The following KCNV1 variants were observed in gnomAD, a reference collection of about 807,000 sequenced individuals.
KCNV1 encodes the protein potassium voltage-gated channel modifier subfamily V member 1.
Under a neutral mutation model 36.4 loss-of-function variants are expected in KCNV1, and 2 were observed. The observed-to-expected ratio is 0.05, with a 90% CI of 0.02 to 0.17. KCNV1 has a LOEUF of 0.17. Ranked by LOEUF, KCNV1 falls within the 10% of genes least tolerant of loss-of-function variation. The pLI is 1.00. For synonymous variants in KCNV1, 280 were observed against 261.1 expected, an observed-to-expected ratio of 1.07 and a Z score of -0.70; for missense variants, 321 against 643.6, an observed-to-expected ratio of 0.50 and a Z score of 5.42.
intron 3 of KCNV1, among the ~76,000 whole-genome samples, chr8:109,969,814 C>G (rs1033933769): frequency 6.7e-6 from 1 of 148,414 alleles, no homozygotes; most frequent in Non-Finnish European, 1.5e-5. Context: ...CATTGCAATC[C>G]AGCCTGGGCA....
chr8:109,968,315 T>C lies in KCNV1; in HGVS notation c.1276A>G (p.Ile426Val). 2 of 1,614,120 alleles carry C rather than the reference T, an allele frequency of 1.2e-6. No homozygotes were observed. Among genetic ancestry groups the C allele is most frequent in the Non-Finnish European group, 1.7e-6 (2 of 1,180,024 alleles). Reference protein sequence around the residue: ...GILVLALPIAIINDRFSACYF... With the variant: ...GILVLALPIAVINDRFSACYF... ...CAAGCAGAGAAGCGATCGTTAATAATAGCAATAGGCAAGGCCAAGACAAGA... is the reference window on the plus strand; with the variant it reads ...CAAGCAGAGAAGCGATCGTTAATAACAGCAATAGGCAAGGCCAAGACAAGA... Residue 426 changes from isoleucine (I) to valine (V), a missense_variant, in exon 4 of 4, where the codon ATT (isoleucine) becomes GTT (valine). Ile to Val is a conservative substitution (Grantham distance 29). Coordinates refer to ENST00000524391, the MANE Select transcript of KCNV1 (RefSeq NM_014379.4). This position sits in a 1 kb window ranked among gnomAD's most constrained non-coding sequence, Gnocchi z 5.3.
rs1322236052 is a variant in KCNV1, at chr8:109,972,525, G to T, written c.724C>A (p.Leu242Met). The change falls in exon 3 of 4, where the codon CTG becomes ATG. Residue 242 changes from leucine (L) to methionine (M), a missense_variant. Around this residue, in one of 5 missense-constraint regions of KCNV1, gnomAD observed 141 missense variants for 225.0 expected, o/e 0.63. Coordinates refer to ENST00000524391, the MANE Select transcript of KCNV1 (RefSeq NM_014379.4). This position sits in a 1 kb window ranked among gnomAD's most constrained non-coding sequence, Gnocchi z 5.2. ...AELSWLDLQL[L>M]EILEYVCISW... ...ATGCACACATACTCCAGGATTTCCA[G>T]CAGCTGCAGGTCCAGCCAGCTTAAC... 33 of 1,614,180 alleles carry T rather than the reference G, an allele frequency of 2.0e-5. No individual in the cohort carries two copies. The highest frequency in any genetic ancestry group is 2.7e-5 in the Non-Finnish European group (32 of 1,180,038).
rs1819920883 is a variant in KCNV1, at chr8:109,964,308, C to T, written c.*3780G>A. The T allele has an allele frequency of 6.6e-6, 1 of 151,372 alleles. No homozygotes were observed. The highest frequency in any genetic ancestry group is 1.5e-5 in the Non-Finnish European group (1 of 67,944). 9.4% of individuals were successfully genotyped at this position (151,372 alleles called of 1,614,324 possible). ...AAAACCATAATGAGATACCATCTCACACTAGTCAGAATGGCTATTATTAAA... is the reference window on the plus strand; with the variant it reads ...AAAACCATAATGAGATACCATCTCATACTAGTCAGAATGGCTATTATTAAA... On this transcript the variant is annotated 3_prime_UTR_variant, in exon 4 of 4. Coordinates refer to ENST00000524391, the MANE Select transcript of KCNV1 (RefSeq NM_014379.4).
chr8:109,973,789 T>G, intron 2 of KCNV1, 139 bp downstream of exon 2: 2 of 147,086 alleles, frequency 1.4e-5, no homozygotes, highest in Non-Finnish European at 2.6e-5. Flanking sequence ...ACCCCACCTG[T>G]CAGCCCAGAA....
At position 109,968,547 on chromosome 8, in the gene KCNV1, T is replaced by A; in HGVS notation, c.1044A>T (p.Leu348=). 2 of 1,604,962 alleles carry A rather than the reference T, an allele frequency of 1.2e-6. No individual in the cohort carries two copies. Residue 348 remains leucine (L), a synonymous_variant, in exon 4 of 4, where the codon CTA becomes CTT. Coordinates refer to ENST00000524391, the MANE Select transcript of KCNV1 (RefSeq NM_014379.4). The surrounding 1 kb of genome is among the most constrained non-coding windows in gnomAD (Gnocchi z 5.3). ...TTCCCACGGATAGAAATAGGAGCAG[T>A]AGGCCGACTTCTTCGTAACACTGGG... ...TITQCYEEVG[L]LLLFLSVGIS...
At position 109,968,115 on chromosome 8, in the gene KCNV1, G is replaced by A. The variant is rs778929052; in HGVS notation, c.1476C>T (p.Ser492=). The A allele has an allele frequency of 6.2e-7, 1 of 1,612,438 alleles. No individual in the cohort carries two copies. Among genetic ancestry groups the A allele is most frequent in the Non-Finnish European group, 8.5e-7 (1 of 1,178,684 alleles). The part of the protein sequence containing the change: ...LKGRERASTR[S]SGGDDFWF ...AAAACCAGAAATCATCTCCCCCGCT[G>A]CTCCTAGTACTTGCTCTTTCTCTGC... Residue 492 remains serine (S), a synonymous_variant, in exon 4 of 4, where the codon AGC becomes AGT. Transcript: ENST00000524391. The surrounding 1 kb of genome is among the most constrained non-coding windows in gnomAD (Gnocchi z 5.3).
At chr8:109,971,478 G>A (rs1241437145) in intron 3 of KCNV1, among the ~76,000 whole-genome samples, 2 of 152,038 alleles carry the variant, frequency 1.3e-5, no homozygotes, top group African/African-American at 4.8e-5. Flanking sequence ...ATCAGTTCCT[G>A]TGATTTTCAC....
Position 109,964,765 on chromosome 8 carries a change from C to T in KCNV1, c.*3323G>A, listed in dbSNP as rs1401223634. 6.6e-6 allele frequency: 1 copy of T among 152,192 alleles called. No individual in the cohort carries two copies. Among genetic ancestry groups the T allele is most frequent in the African/African-American group, 2.4e-5 (1 of 41,438 alleles). The allele number at this position is 152,192 out of a possible 1,614,324, so 9.4% of individuals were successfully genotyped here. On this transcript the variant is annotated 3_prime_UTR_variant, in exon 4 of 4. Coordinates refer to ENST00000524391, the MANE Select transcript of KCNV1 (RefSeq NM_014379.4). ...AAGAGAAAACCAAATACCACATGTT[C>T]TCACTTATAAGTGGGAGCTAAATGA...
At chr8:109,971,461 A>AT (rs1820009847) in intron 3 of KCNV1, among the ~76,000 whole-genome samples, 1 of 152,096 alleles carries the variant, frequency 6.6e-6, no homozygotes, top group African/African-American at 2.4e-5. Context: ...TGCAAGAATC[A>AT]TTTTTAATCA....
rs1465923899 is a variant in KCNV1, at chr8:109,968,611, C to A, written c.992-12G>T. On this transcript the variant is annotated splice_polypyrimidine_tract_variant and intron_variant, in intron 3 of 3. Transcript: ENST00000524391. This position sits in a 1 kb window ranked among gnomAD's most constrained non-coding sequence, Gnocchi z 5.3. Reference sequence around the variant, plus strand: ...AAGGGAGCGTAATCCTGCAACAGAACAAATGCTGTCAGTCATTGGCATCCC... The same window carrying A: ...AAGGGAGCGTAATCCTGCAACAGAAAAAATGCTGTCAGTCATTGGCATCCC... 3 of 1,563,496 alleles carry A rather than the reference C, an allele frequency of 1.9e-6. No individual in the cohort carries two copies. Among genetic ancestry groups the A allele is most frequent in the Non-Finnish European group, 2.6e-6 (3 of 1,149,374 alleles).
rs544328344 is a variant in KCNV1, at chr8:109,963,690, T to C, written c.*4398A>G. ...TTTTAATAAGCATAAGAATTCCACA[T>C]TAAAACACAGAACTGAGATTCCTAC... On this transcript the variant is annotated 3_prime_UTR_variant, in exon 4 of 4. Coordinates refer to ENST00000524391, the MANE Select transcript of KCNV1 (RefSeq NM_014379.4). The C allele has an allele frequency of 2.6e-5, 4 of 152,182 alleles. No homozygotes were observed. Among genetic ancestry groups the C allele is most frequent in the African/African-American group, 4.8e-5 (2 of 41,444 alleles). The allele number at this position is 152,182 out of a possible 1,614,324, so 9.4% of individuals were successfully genotyped here.
rs1043104265 is a variant in KCNV1, at chr8:109,965,917, A to G, written c.*2171T>C. The G allele has an allele frequency of 1.3e-5, 2 of 152,178 alleles. No individual in the cohort carries two copies. The highest frequency in any genetic ancestry group is 1.5e-5 in the Non-Finnish European group (1 of 68,024). The allele number at this position is 152,178 out of a possible 1,614,324, so 9.4% of individuals were successfully genotyped here. ...GTATTCAGCGCTGGCTCTGCCATCT[A>G]TAGCCTGTGTGAATTTAGGCAAGTT... On this transcript the variant is annotated 3_prime_UTR_variant, in exon 4 of 4. Transcript: ENST00000524391.
chr8:109,968,694 A>ACTGCAC lies in KCNV1; in HGVS notation c.992-101_992-96dup. On this transcript the variant is annotated intron_variant, in intron 3 of 3. Coordinates refer to ENST00000524391, the MANE Select transcript of KCNV1 (RefSeq NM_014379.4). The surrounding 1 kb of genome is among the most constrained non-coding windows in gnomAD (Gnocchi z 5.3). The stretch of plus-strand genomic sequence containing the variant: ...TCCCTCCTTGCTCTGCCACCCACAA[A>ACTGCAC]CTGCACTGCACACTTAAATGTCCCC... 8.4e-7 allele frequency: 1 copy of ACTGCAC among 1,192,414 alleles called. No individual in the cohort carries two copies. Among genetic ancestry groups the ACTGCAC allele is most frequent in the Non-Finnish European group, 1.2e-6 (1 of 851,822 alleles). 73.9% of individuals were successfully genotyped at this position (1,192,414 alleles called of 1,614,324 possible).
rs935806415 is a variant in KCNV1 at position 109,972,198 on chromosome 8, T to A, written c.991+60A>T. ...CAGCGTTACTTTCCTTGTACTGTGG[T>A]CAAAAAACGAATGCTTACATGCAAT... On this transcript the variant is annotated intron_variant, in intron 3 of 3. Coordinates refer to ENST00000524391, the MANE Select transcript of KCNV1 (RefSeq NM_014379.4). This position sits in a 1 kb window ranked among gnomAD's most constrained non-coding sequence, Gnocchi z 5.2. The A allele has an allele frequency of 6.7e-6, 10 of 1,494,772 alleles. No individual in the cohort carries two copies. The Admixed American group carries it at 8.7e-5, about 13-fold the overall frequency. 92.6% of individuals were successfully genotyped at this position (1,494,772 alleles called of 1,614,324 possible). A position where few individuals can be genotyped will look rare whatever the true frequency, so the allele number is the denominator to read the frequency against.
At position 109,973,755 on chromosome 8, in the gene KCNV1, G is replaced by T. The variant is rs75185097; in HGVS notation, c.461+173C>A. ...AAAGTTCTATTCAAAAGTTGGCGTT[G>T]ATGCTTTCCAGTCCCCCACCCCCAC... On this transcript the variant is annotated intron_variant, in intron 2 of 3. Coordinates refer to ENST00000524391, the MANE Select transcript of KCNV1 (RefSeq NM_014379.4). Among the ~76,000 whole-genome samples the T allele has an allele frequency of 1.7e-3, 253 of 152,242 alleles. 2 individuals are homozygous for T. In the East Asian group the frequency reaches 0.039, roughly 23 times the overall value.
chr8:109,966,680 G>A lies in KCNV1; in HGVS notation c.*1408C>T, dbSNP rs1039459291. On this transcript the variant is annotated 3_prime_UTR_variant, in exon 4 of 4. Transcript: ENST00000524391. ...ATAGCATAATATGATGTCTTAAATA[G>A]AGTTTATGAAATACCTTATAGCTAT... The A allele has an allele frequency of 1.3e-5, 2 of 152,076 alleles. No homozygotes were observed. The highest frequency in any genetic ancestry group is 4.8e-5 in the African/African-American group (2 of 41,404). The allele number at this position is 152,076 out of a possible 1,614,324, so 9.4% of individuals were successfully genotyped here. A position where few individuals can be genotyped will look rare whatever the true frequency, so the allele number is the denominator to read the frequency against.
Position 109,967,826 on chromosome 8 carries a change from G to T in KCNV1, c.*262C>A. On this transcript the variant is annotated 3_prime_UTR_variant, in exon 4 of 4. Coordinates refer to ENST00000524391, the MANE Select transcript of KCNV1 (RefSeq NM_014379.4). ...ATTGCAATAACATTATTTTATATTTGACAATTCAAACATGTTTATATTGGC... is the reference window on the plus strand; with the variant it reads ...ATTGCAATAACATTATTTTATATTTTACAATTCAAACATGTTTATATTGGC... The T allele has an allele frequency of 3.0e-6, 1 of 331,926 alleles. No homozygotes were observed. Among genetic ancestry groups the T allele is most frequent in the South Asian group, 8.7e-5 (1 of 11,434 alleles). 20.6% of individuals were successfully genotyped at this position (331,926 alleles called of 1,614,324 possible). A position where few individuals can be genotyped will look rare whatever the true frequency, so the allele number is the denominator to read the frequency against.
At position 109,974,167 on chromosome 8, in the gene KCNV1, G is replaced by A. The variant is rs757208349; in HGVS notation, c.222C>T (p.Ser74=). 66 of 1,601,258 alleles carry A rather than the reference G, an allele frequency of 4.1e-5. 2 individuals are homozygous for A. In the South Asian group the frequency reaches 7.3e-4, roughly 18 times the overall value. The part of the protein sequence containing the change: ...RLGKLAVVVA[S]YRRPGALAAV... ...CGGCCAGGGCCCCGGGGCGGCGGTA[G>A]GAAGCCACCACCACGGCCAGCTTGC... Residue 74 remains serine, a synonymous_variant, in exon 2 of 4, where the codon TCC becomes TCT. Coordinates refer to ENST00000524391, the MANE Select transcript of KCNV1 (RefSeq NM_014379.4). The surrounding 1 kb of genome is among the most constrained non-coding windows in gnomAD (Gnocchi z 6.2).
rs1819934765 is a variant in KCNV1, at chr8:109,965,560, A to G, written c.*2528T>C. 1 of 152,198 alleles carries G rather than the reference A, an allele frequency of 6.6e-6. No homozygotes were observed. The highest frequency in any genetic ancestry group is 2.4e-5 in the African/African-American group (1 of 41,454). The allele number at this position is 152,198 out of a possible 1,614,324, so 9.4% of individuals were successfully genotyped here. A position where few individuals can be genotyped will look rare whatever the true frequency, so the allele number is the denominator to read the frequency against. On this transcript the variant is annotated 3_prime_UTR_variant, in exon 4 of 4. Transcript: ENST00000524391. ...TATATAGCTAACAGCACATTTGTAG[A>G]GAAGATGTTTAGGATCCTCCATGAT...
Sources: allele counts gnomAD v4.1 joint callset (sites outside exome capture counted in the v4.1 genomes callset), GRCh38; gene constraint gnomAD v4.1.1; regional missense constraint gnomAD v4.1.1; non-coding constraint Gnocchi (gnomAD v3.1); transcripts MANE v1.5; gene names NCBI Gene and HGNC (gene_info 2026-07-23, HGNC 2026-07-21).